The following MTDH variants were observed in gnomAD, a reference collection of about 807,000 sequenced individuals.
The protein encoded by MTDH is protein LYRIC.
In MTDH, 34 loss-of-function variants were observed where a neutral mutation model predicts 72.7. The observed-to-expected ratio is 0.47, with a 90% confidence interval of 0.36 to 0.62. The LOEUF (loss-of-function observed/expected upper bound fraction) is 0.62, where lower values mean the gene tolerates loss of function less well. Among genes scored for constraint, MTDH ranks in the 20% least tolerant of loss-of-function variants. The probability of loss-of-function intolerance (pLI) is 0.00; values close to 1 mark genes in which losing one functional copy is unlikely to be tolerated. For missense variants in MTDH, 677 were observed against 699.4 expected (o/e 0.97, Z 0.36); for synonymous variants, 266 against 268.9 (o/e 0.99, Z 0.10).
Position 97,644,774 on chromosome 8 carries a change from G to C in MTDH, c.268G>C (p.Glu90Gln). The change falls in exon 1 of 12, where the codon GAG becomes CAG. Residue 90 changes from glutamate to glutamine, a missense_variant. Physicochemically the swap from Glu to Gln is conservative, Grantham distance 29. Transcript: ENST00000336273. ...KKRRSPPRKR[E>Q]EAAAVPAAAP... ...GCGGAGGAGCCCGCCCCGCAAGCGG[G>C]AGGAGGCGGCGGCCGTGCCGGCCGC... 6.4e-7 allele frequency: 1 copy of C among 1,553,502 alleles called. No individual in the cohort carries two copies. Among genetic ancestry groups the C allele is most frequent in the Middle Eastern group, 1.9e-4 (1 of 5,326 alleles).
At chr8:97,671,876 C>T (rs1812639741) in intron 2 of MTDH, among the ~76,000 whole-genome samples, 1 of 152,132 alleles carries the variant, frequency 6.6e-6, no homozygotes, top group African/African-American at 2.4e-5. Flanking sequence ...TAATGACATC[C>T]TTAATACATT....
intron 8 of MTDH, among the ~76,000 whole-genome samples, chr8:97,711,900 G>A (rs916902732): frequency 3.3e-5 from 5 of 152,220 alleles, no homozygotes; most frequent in Non-Finnish European, 7.3e-5. Context: ...ACTGCAGAAA[G>A]CAAAACTGCA....
chr8:97,713,750 A>G lies in MTDH; in HGVS notation c.1361A>G (p.Glu454Gly). ...KKKKKKKKQG[E>G]DNSTAQDTEE... ...AAAAAGAAAAAGAAGAAGCAAGGTG[A>G]AGATAACTCTACTGCACAGGTAAAA... The change falls in exon 9 of 12, where the codon GAA becomes GGA. Residue 454 changes from glutamate to glycine, a missense_variant. Physicochemically the swap from Glu to Gly is moderately conservative, Grantham distance 98. Coordinates refer to ENST00000336273, the MANE Select transcript of MTDH (RefSeq NM_178812.4). The G allele has an allele frequency of 6.3e-7, 1 of 1,596,864 alleles. No individual in the cohort carries two copies. The highest frequency in any genetic ancestry group is 8.5e-7 in the Non-Finnish European group (1 of 1,171,262).
intron 1 of MTDH, among the ~76,000 whole-genome samples, chr8:97,648,842 A>G (rs763749404): frequency 6.6e-6 from 1 of 152,222 alleles, no homozygotes; most frequent in Non-Finnish European, 1.5e-5. Flanking sequence ...AATGCATAAT[A>G]TAGTAAGATG....
chr8:97,710,612 C>T (rs932461016), intron 8 of MTDH, among the ~76,000 whole-genome samples: 8 of 144,050 alleles, frequency 5.6e-5, no homozygotes, highest in Admixed American at 2.9e-4. Flanking sequence ...GCACAAGACT[C>T]GCTTGAACTG....
chr8:97,689,465 A>T lies in MTDH; in HGVS notation c.811+362A>T, dbSNP rs969638447. Among the ~76,000 whole-genome samples, 4 of 105,846 alleles carry T rather than the reference A, an allele frequency of 3.8e-5. 1 individual carries two copies. Among genetic ancestry groups the T allele is most frequent in the East Asian group, 3.7e-4 (1 of 2,736 alleles). The allele number at this position is 105,846 out of a possible 152,430, so 69.4% of individuals were successfully genotyped here. On this transcript the variant is annotated intron_variant, in intron 5 of 11. Transcript: ENST00000336273. ...ATAAAATACTTGATGCTTGTATGTT[A>T]AAAAAAAAAAAAGCTTTAGTTCCTA...
intron 2 of MTDH, among the ~76,000 whole-genome samples, chr8:97,682,378 A>G (rs1813172774): frequency 7.5e-6 from 1 of 133,418 alleles, no homozygotes; most frequent in African/African-American, 2.9e-5. Context: ...GGCTCACTGC[A>G]ACCTCCGCCT....
At chr8:97,704,427 G>C (rs1221300208) in intron 7 of MTDH, among the ~76,000 whole-genome samples, 2 of 152,184 alleles carry the variant, frequency 1.3e-5, no homozygotes, top group African/African-American at 4.8e-5. Context: ...GGGCAATATA[G>C]TGAATCCCCT....
Position 97,724,870 on chromosome 8 carries a change from G to A in MTDH, c.*200G>A. ...TTAAGAGGTCAGCAGAATATACTCA[G>A]TGATGGAAGACACTTGGGAAAGTCT... is the stretch of plus-strand genomic sequence containing the variant. On this transcript the variant is annotated 3_prime_UTR_variant, in exon 12 of 12. Coordinates refer to ENST00000336273, the MANE Select transcript of MTDH (RefSeq NM_178812.4). The A allele has an allele frequency of 2.4e-6, 1 of 418,282 alleles. No homozygotes were observed. The highest frequency in any genetic ancestry group is 4.2e-6 in the Non-Finnish European group (1 of 236,978). 25.9% of individuals were successfully genotyped at this position (418,282 alleles called of 1,614,324 possible). A position where few individuals can be genotyped will look rare whatever the true frequency, so the allele number is the denominator to read the frequency against.
In MTDH at chr8:97,650,823, A is replaced by T. The variant is rs370325032; in HGVS notation, c.381+5936A>T. On this transcript the variant is annotated intron_variant, in intron 1 of 11. Coordinates refer to ENST00000336273, the MANE Select transcript of MTDH (RefSeq NM_178812.4). ...TGGCTCTCTGCAACCTCCGCCTCTC[A>T]GGCTCAAGCGATCCTCCCACCTCAG... 2.4e-3 allele frequency among the ~76,000 whole-genome samples: 364 copies of T among 152,162 alleles called. 17 individuals are homozygous for T. In the South Asian group the frequency reaches 0.073, roughly 31 times the overall value.
Position 97,716,768 on chromosome 8 carries a change from C to T in MTDH, c.1381-2281C>T, listed in dbSNP as rs1027709055. Among the ~76,000 whole-genome samples, 68 of 152,156 alleles carry T rather than the reference C, an allele frequency of 4.5e-4. 1 individual carries two copies. Among genetic ancestry groups the T allele is most frequent in the African/African-American group, 1.6e-3 (67 of 41,536 alleles). ...TGGTCAGGCTGGAATGCAGTGGCTCCATCACAGCTCACTGCAGCCTCAACC... is the reference window on the plus strand; with the variant it reads ...TGGTCAGGCTGGAATGCAGTGGCTCTATCACAGCTCACTGCAGCCTCAACC... On this transcript the variant is annotated intron_variant, in intron 9 of 11. Transcript: ENST00000336273.
At chr8:97,710,040 ATTC>A (rs1814554971) in intron 8 of MTDH, among the ~76,000 whole-genome samples, 2 of 152,158 alleles carry the variant, frequency 1.3e-5, no homozygotes, top group Admixed American at 1.3e-4. Context: ...GCACGTATCT[ATTC>A]ATATGGCATT....
chr8:97,679,827 ATATTTACTCAGG>A (rs1346671021), intron 2 of MTDH, among the ~76,000 whole-genome samples: 5 of 152,286 alleles, frequency 3.3e-5, no homozygotes, highest in Admixed American at 2.0e-4. Flanking sequence ...TTTATCTGGC[ATATTTACTCAGG>A]TATTTAAGTG....
chr8:97,707,411 A>G (rs933156581), intron 8 of MTDH, among the ~76,000 whole-genome samples: 30 of 148,992 alleles, frequency 2.0e-4, no homozygotes, highest in African/African-American at 6.9e-4. Context: ...CAGCCCCCCA[A>G]AGTGCTGGGA....
chr8:97,680,145 T>C (rs1481449315), intron 2 of MTDH, among the ~76,000 whole-genome samples: 2 of 152,134 alleles, frequency 1.3e-5, no homozygotes, highest in Non-Finnish European at 2.9e-5. Flanking sequence ...CAATCTTGGC[T>C]CACTGCAACC....
intron 6 of MTDH, among the ~76,000 whole-genome samples, chr8:97,697,128 A>AT (rs1563554016): frequency 1.4e-4 from 14 of 98,344 alleles, no homozygotes; most frequent in African/African-American, 2.0e-4. Flanking sequence ...ACAAAAAAAA[A>AT]AATATATATA....
At position 97,710,230 on chromosome 8, in the gene MTDH, C is replaced by T. The variant is rs115550199; in HGVS notation, c.1273-3432C>T. 5.0e-3 allele frequency among the ~76,000 whole-genome samples: 762 copies of T among 152,180 alleles called. 5 individuals carry two copies. The highest frequency in any genetic ancestry group is 0.018 in the African/African-American group (729 of 41,522). Reference sequence around the variant, plus strand: ...AACTGTCTGGTAGTTCGTGAGACCACCAAAATCATTATAATGACTATAGTG... The same window carrying T: ...AACTGTCTGGTAGTTCGTGAGACCATCAAAATCATTATAATGACTATAGTG... On this transcript the variant is annotated intron_variant, in intron 8 of 11. Transcript: ENST00000336273.
intron 2 of MTDH, among the ~76,000 whole-genome samples, chr8:97,669,800 C>G (rs1812538727): frequency 6.6e-6 from 1 of 151,862 alleles, no homozygotes; most frequent in Admixed American, 6.6e-5. Flanking sequence ...CCTGTAATCC[C>G]AGCTATTTGG....
rs1216682576 is a variant in MTDH, at chr8:97,728,046, A to G, written c.*3376A>G. 2.0e-5 allele frequency: 3 copies of G among 152,138 alleles called. No homozygotes were observed. Among genetic ancestry groups the G allele is most frequent in the Non-Finnish European group, 4.4e-5 (3 of 68,018 alleles). The allele number at this position is 152,138 out of a possible 1,614,324, so 9.4% of individuals were successfully genotyped here. A position where few individuals can be genotyped will look rare whatever the true frequency, so the allele number is the denominator to read the frequency against. On this transcript the variant is annotated 3_prime_UTR_variant, in exon 12 of 12. Transcript: ENST00000336273. ...AGATACTGGAGGGCAATATTTACAG[A>G]GTTTAGTTTTTCTTAATTAAAAACA...
Sources: gnomAD v4.1 joint callset for allele counts (sites outside exome capture counted in the v4.1 genomes callset) on GRCh38, gnomAD v4.1.1 for gene constraint, MANE v1.5 for transcripts, NCBI Gene and HGNC (gene_info 2026-07-23, HGNC 2026-07-21) for gene names.